Variants in ADAM18 observed in about 807,000 individuals in gnomAD.
ADAM18 encodes disintegrin and metalloproteinase domain-containing protein 18.
Under a neutral mutation model 94.4 loss-of-function variants are expected in ADAM18, and 117 were observed. The ratio of observed to expected loss-of-function variants is 1.24; its 90% CI spans 1.07 to 1.45. The LOEUF (loss-of-function observed/expected upper bound fraction) is 1.45, where lower values mean the gene tolerates loss of function less well. ADAM18 is among the 40% of genes most tolerant of loss of function. The pLI is 0.00. For synonymous variants in ADAM18, 327 were observed against 291.6 expected (o/e 1.12, Z -1.24); for missense variants, 936 against 880.0 (o/e 1.06, Z -0.81).
At chr8:39,680,768 A>G (rs560731949) in intron 16 of ADAM18, among the ~76,000 whole-genome samples, 2 of 152,340 alleles carry the variant, frequency 1.3e-5, no homozygotes, top group South Asian at 4.1e-4. Context: ...GACTTGGTTA[A>G]TCTTGCAATA....
In ADAM18 at chr8:39,622,575, T is replaced by A. The variant is rs1354847096; in HGVS notation, c.523-6799T>A. On this transcript the variant is annotated intron_variant, in intron 6 of 19. Transcript: ENST00000265707. ...AATTTTTAATCATTGAGAATTTGTC[T>A]TGTGTGCTGTTATATTTGTTTAGAA... 2.0e-5 allele frequency among the ~76,000 whole-genome samples: 3 copies of A among 151,930 alleles called. No individual in the cohort carries two copies. In the East Asian group the frequency reaches 5.8e-4, roughly 29 times the overall value.
intron 6 of ADAM18, among the ~76,000 whole-genome samples, chr8:39,618,857 T>C (rs1018273818): frequency 6.6e-6 from 1 of 152,178 alleles, no homozygotes; most frequent in Non-Finnish European, 1.5e-5. Flanking sequence ...TCATAGGCTC[T>C]CTGCAGGGGG....
At chr8:39,653,496 A>G (rs1288901372) in intron 12 of ADAM18, among the ~76,000 whole-genome samples, 1 of 152,200 alleles carries the variant, frequency 6.6e-6, no homozygotes, top group East Asian at 1.9e-4. Context: ...AAGTGAATAA[A>G]TAGCCTTAAA....
At chr8:39,661,750 A>G in intron 12 of ADAM18, among the ~76,000 whole-genome samples, 1 of 151,934 alleles carries the variant, frequency 6.6e-6, no homozygotes, top group Non-Finnish European at 1.5e-5. Context: ...ATTAGCAGTG[A>G]TACATGTGAA....
chr8:39,691,944 GT>G (rs1227184847), intron 16 of ADAM18, among the ~76,000 whole-genome samples: 22 of 151,882 alleles, frequency 1.4e-4, no homozygotes, highest in African/African-American at 5.1e-4. Flanking sequence ...TTCATGTTTA[GT>G]ATTGTTATGT....
intron 16 of ADAM18, among the ~76,000 whole-genome samples, chr8:39,689,093 A>G (rs1482169897): frequency 6.6e-6 from 1 of 151,548 alleles, no homozygotes; most frequent in Admixed American, 6.6e-5. Context: ...TTCTTTATAG[A>G]TGCTGGGTAT....
intron 6 of ADAM18, among the ~76,000 whole-genome samples, chr8:39,623,280 A>G (rs905223712): frequency 1.3e-5 from 2 of 152,204 alleles, no homozygotes; most frequent in Non-Finnish European, 2.9e-5. Flanking sequence ...CATATCTTTG[A>G]AATAATGAAT....
At chr8:39,610,828 A>T in intron 6 of ADAM18, 122 bp downstream of exon 6, 1 of 1,306,080 alleles carries the variant, frequency 7.7e-7, no homozygotes, top group Non-Finnish European at 9.9e-7. Context: ...GTATTTTTCT[A>T]CCTTTAAATA....
rs538559340 is a variant in ADAM18 at position 39,591,108 on chromosome 8, A to G, written c.132+5756A>G. On this transcript the variant is annotated intron_variant, in intron 2 of 19. Transcript: ENST00000265707. Reference sequence around the variant, plus strand: ...ATTTAAAACACTTTATTACTAAAAAATTGTAACTATCATCTGAATTTTCAG... The same window carrying G: ...ATTTAAAACACTTTATTACTAAAAAGTTGTAACTATCATCTGAATTTTCAG... 4.6e-5 allele frequency among the ~76,000 whole-genome samples: 7 copies of G among 152,348 alleles called. No homozygotes were observed. The East Asian group carries it at 9.6e-4, about 21-fold the overall frequency.
chr8:39,657,209 A>G (rs534653194), intron 12 of ADAM18, among the ~76,000 whole-genome samples: 21 of 152,358 alleles, frequency 1.4e-4, no homozygotes, highest in African/African-American at 5.0e-4. Context: ...CAAGGCCAAG[A>G]AAATTATAGT....
chr8:39,692,824 T>C (rs1471204397), intron 17 of ADAM18, 144 bp downstream of exon 17: 6 of 530,802 alleles, frequency 1.1e-5, no homozygotes, highest in Non-Finnish European at 2.0e-5. Flanking sequence ...AATTTCAAAC[T>C]ATATAACATA....
Position 39,591,162 on chromosome 8 carries a change from C to T in ADAM18, c.132+5810C>T, listed in dbSNP as rs1459276282. On this transcript the variant is annotated intron_variant, in intron 2 of 19. Transcript: ENST00000265707. ...GTTGTAATCTTTTGCTGGTTACAAT[C>T]AGGCCTTGTCTGATGTTGATGGCTG... Among the ~76,000 whole-genome samples the T allele has an allele frequency of 2.6e-5, 4 of 152,172 alleles. No homozygotes were observed. The South Asian group carries it at 8.3e-4, about 31-fold the overall frequency.
At position 39,637,699 on chromosome 8, in the gene ADAM18, C is replaced by T; in HGVS notation, c.823C>T (p.Leu275Phe). 1 of 1,596,178 alleles carries T rather than the reference C, an allele frequency of 6.3e-7. No homozygotes were observed. The highest frequency in any genetic ancestry group is 1.1e-5 in the South Asian group (1 of 87,896). ...ILRPHDIAYL[L>F]VYRKHPKYVG... ...ACGGCCCCATGACATAGCATACTTA[C>T]TTGTGTAAGCACAATGTTCTACATT... Residue 275 changes from leucine to phenylalanine, a missense_variant, in exon 9 of 20, where the codon CTT becomes TTT. By Grantham distance (22) the Leu-to-Phe change is conservative. Coordinates refer to ENST00000265707, the MANE Select transcript of ADAM18 (RefSeq NM_014237.3).
intron 3 of ADAM18, among the ~76,000 whole-genome samples, chr8:39,608,107 C>T (rs1262759072): frequency 2.0e-5 from 3 of 151,998 alleles, no homozygotes; most frequent in African/African-American, 4.8e-5. Context: ...TGTAAAAAGT[C>T]GGAGTCATAC....
At chr8:39,601,655 T>C (rs989582534) in intron 2 of ADAM18, among the ~76,000 whole-genome samples, 1 of 152,206 alleles carries the variant, frequency 6.6e-6, no homozygotes, top group East Asian at 1.9e-4. Flanking sequence ...TTACCTGTCT[T>C]TTAGAAAAAT....
chr8:39,604,324 A>G (rs1818999166), intron 2 of ADAM18, among the ~76,000 whole-genome samples: 1 of 152,170 alleles, frequency 6.6e-6, no homozygotes, highest in Non-Finnish European at 1.5e-5. Context: ...TTTTTGTTAC[A>G]CTCAATCCCT....
At chr8:39,611,049 C>A in intron 6 of ADAM18, 1 of 1,037,444 alleles carries the variant, frequency 9.6e-7, no homozygotes, top group Non-Finnish European at 1.2e-6. Context: ...TTACATACTA[C>A]CTGAACATAT....
rs531068593 is a variant in ADAM18, at chr8:39,626,372, A to ATCATTTTAATATTTTTGTT, written c.523-2998_523-2980dup. 2.8e-3 allele frequency among the ~76,000 whole-genome samples: 421 copies of ATCATTTTAATATTTTTGTT among 151,990 alleles called. 4 individuals are homozygous for ATCATTTTAATATTTTTGTT. Among genetic ancestry groups the ATCATTTTAATATTTTTGTT allele is most frequent in the African/African-American group, 9.8e-3 (405 of 41,452 alleles). ...AAAGAACCAAGTTTTCATTTCATTG[A>ATCATTTTAATATTTTTGTT]TCATTTTAATATTTTTGTTTCAATT... On this transcript the variant is annotated intron_variant, in intron 6 of 19. Coordinates refer to ENST00000265707, the MANE Select transcript of ADAM18 (RefSeq NM_014237.3).
At chr8:39,701,064 G>C (rs2129581138) in intron 17 of ADAM18, among the ~76,000 whole-genome samples, 1 of 119,782 alleles carries the variant, frequency 8.3e-6, no homozygotes, top group African/African-American at 3.0e-5. Flanking sequence ...CTTGCAGTGA[G>C]CCGAGATCCC....
Sources: gnomAD v4.1 joint callset for allele counts (sites outside exome capture counted in the v4.1 genomes callset) on GRCh38, gnomAD v4.1.1 for gene constraint, MANE v1.5 for transcripts, NCBI Gene and HGNC (gene_info 2026-07-23, HGNC 2026-07-21) for gene names.